Variants in CDH13 observed in about 807,000 individuals in gnomAD.
The protein encoded by CDH13 is cadherin-13.
Under a neutral mutation model 63.8 loss-of-function variants are expected in CDH13, and 24 were observed. The observed-to-expected ratio is 0.38, with a 90% CI of 0.27 to 0.53. The LOEUF (loss-of-function observed/expected upper bound fraction) is 0.53. Ranked by LOEUF, CDH13 falls within the 20% of genes least tolerant of loss-of-function variation. The pLI is 0.85. For synonymous variants in CDH13, 503 were observed against 355.3 expected, an observed-to-expected ratio of 1.42 and a Z score of -4.67; for missense variants, 1,049 against 903.1, an observed-to-expected ratio of 1.16 and a Z score of -2.07.
chr16:83,401,071 T>C (rs921200177), intron 6 of CDH13, among the ~76,000 whole-genome samples: 2 of 152,124 alleles, frequency 1.3e-5, no homozygotes, highest in African/African-American at 4.8e-5. Context: ...CCAAATGCAG[T>C]GGCTCACACC....
chr16:82,968,517 A>T (rs537302824), intron 2 of CDH13, among the ~76,000 whole-genome samples: 2 of 152,252 alleles, frequency 1.3e-5, no homozygotes, highest in East Asian at 3.9e-4. Flanking sequence ...AAGGGAGGTA[A>T]ACTGAAATCT....
intron 10 of CDH13, among the ~76,000 whole-genome samples, chr16:83,697,582 G>A (rs1040953982): frequency 3.3e-5 from 5 of 152,164 alleles, no homozygotes; most frequent in South Asian, 2.1e-4. Context: ...AGATAAGGCC[G>A]TGTATTGATG....
intron 6 of CDH13, among the ~76,000 whole-genome samples, chr16:83,378,474 T>C (rs1045043681): frequency 2.0e-5 from 3 of 152,170 alleles, no homozygotes; most frequent in Non-Finnish European, 4.4e-5. Context: ...ATGTGACTGT[T>C]ATTTTGTCTC....
chr16:82,809,013 G>C lies in CDH13; in HGVS notation c.46-49349G>C. On this transcript the variant is annotated intron_variant, in intron 1 of 13. Coordinates refer to ENST00000567109, the MANE Select transcript of CDH13 (RefSeq NM_001257.5). ...TGTATATGTATGGGTATATATACAC[G>C]TTATATATATGATTGTGAACATGCA... Among the ~76,000 whole-genome samples, 4 of 152,040 alleles carry C rather than the reference G, an allele frequency of 2.6e-5. 2 individuals carry two copies. The highest frequency in any genetic ancestry group is 2.6e-4 in the Admixed American group (4 of 15,264).
chr16:83,564,396 C>CTGTTTTTTTT (rs1567767607), intron 7 of CDH13, among the ~76,000 whole-genome samples: 1 of 49,848 alleles, frequency 2.0e-5, no homozygotes. Flanking sequence ...TATGGGATGA[C>CTGTTTTTTTT]TCTTTTTTTT....
At chr16:83,404,268 T>C (rs973811097) in intron 6 of CDH13, among the ~76,000 whole-genome samples, 12 of 152,182 alleles carry the variant, frequency 7.9e-5, no homozygotes, top group African/African-American at 2.7e-4. Context: ...TTCACTAATT[T>C]TAGGAACCAA....
intron 10 of CDH13, among the ~76,000 whole-genome samples, chr16:83,711,519 T>G (rs1028298853): frequency 6.6e-6 from 1 of 152,078 alleles, no homozygotes; most frequent in Non-Finnish European, 1.5e-5. Context: ...TTTTTTTGTT[T>G]TTTGTTTTTT....
chr16:83,213,826 A>T (rs1016725219), intron 4 of CDH13, among the ~76,000 whole-genome samples: 2 of 152,154 alleles, frequency 1.3e-5, no homozygotes, highest in African/African-American at 4.8e-5. Context: ...AAATGCACCA[A>T]TCAGCACTCT....
At chr16:83,340,402 G>T (rs1263178606) in intron 5 of CDH13, among the ~76,000 whole-genome samples, 1 of 152,074 alleles carries the variant, frequency 6.6e-6, no homozygotes, top group Admixed American at 6.6e-5. Context: ...TGGGAGTGGT[G>T]AATGAGTCCA....
At chr16:83,499,419 A>G (rs904653220) in intron 7 of CDH13, among the ~76,000 whole-genome samples, 1 of 152,218 alleles carries the variant, frequency 6.6e-6, no homozygotes, top group Non-Finnish European at 1.5e-5. Flanking sequence ...CCGTCTTCAG[A>G]TCTGGGTTGC....
chr16:83,071,714 T>C (rs2032451412), intron 3 of CDH13, among the ~76,000 whole-genome samples: 1 of 152,196 alleles, frequency 6.6e-6, no homozygotes, highest in South Asian at 2.1e-4. Context: ...GAAGACTATG[T>C]GGAGAAAATT....
intron 5 of CDH13, among the ~76,000 whole-genome samples, chr16:83,335,966 T>G (rs1307159523): frequency 6.6e-6 from 1 of 152,008 alleles, no homozygotes; most frequent in Non-Finnish European, 1.5e-5. Flanking sequence ...GACTTTTGTC[T>G]GCGGCTTGTC....
At chr16:82,985,499 C>T (rs752973382) in intron 2 of CDH13, among the ~76,000 whole-genome samples, 6 of 152,112 alleles carry the variant, frequency 3.9e-5, no homozygotes, top group Non-Finnish European at 8.8e-5. Flanking sequence ...TGTGGCTTTC[C>T]TCCTCCTTTC....
At chr16:83,088,991 G>A (rs535459383) in intron 3 of CDH13, among the ~76,000 whole-genome samples, 4,606 of 152,226 alleles carry the variant, frequency 0.03, 254 homozygotes, top group African/African-American at 0.1. Flanking sequence ...GAATTGAGTA[G>A]TTGCAATACA....
chr16:83,509,825 C>T (rs2074514897), intron 7 of CDH13, among the ~76,000 whole-genome samples: 1 of 152,166 alleles, frequency 6.6e-6, no homozygotes, highest in Non-Finnish European at 1.5e-5. Context: ...ATTACTCTCT[C>T]TGAGTTTGGA....
intron 2 of CDH13, among the ~76,000 whole-genome samples, chr16:82,910,471 T>A (rs1044926377): frequency 3.3e-5 from 5 of 152,184 alleles, no homozygotes; most frequent in Admixed American, 6.5e-5. Flanking sequence ...TTTGTATTAT[T>A]TATTCATGTT....
chr16:83,204,441 A>G (rs765678282), intron 4 of CDH13, among the ~76,000 whole-genome samples: 5 of 152,184 alleles, frequency 3.3e-5, no homozygotes, highest in Admixed American at 6.5e-5. Flanking sequence ...CATTGTCATC[A>G]TCACCATCAT....
chr16:83,708,080 A>C (rs965711163), intron 10 of CDH13, among the ~76,000 whole-genome samples: 2 of 152,156 alleles, frequency 1.3e-5, no homozygotes, highest in African/African-American at 4.8e-5. Flanking sequence ...TCCAGCCAGC[A>C]GTGCTGATGG....
intron 11 of CDH13, among the ~76,000 whole-genome samples, chr16:83,748,846 G>A (rs1912832657): frequency 6.6e-6 from 1 of 152,198 alleles, no homozygotes; most frequent in African/African-American, 2.4e-5. Context: ...GTGCAGAAAG[G>A]AGGCAAAGTT....
Sources: gnomAD v4.1 joint callset for allele counts (sites outside exome capture counted in the v4.1 genomes callset) on GRCh38, gnomAD v4.1.1 for gene constraint, MANE v1.5 for transcripts, NCBI Gene and HGNC (gene_info 2026-07-23, HGNC 2026-07-21) for gene names.